Variants in MDGA2 observed in about 807,000 individuals in gnomAD.
MDGA2 encodes the protein MAM domain-containing glycosylphosphatidylinositol anchor protein 2.
In MDGA2, 40 loss-of-function variants were observed where a neutral mutation model predicts 117.8. The ratio of observed to expected loss-of-function variants is 0.34; its 90% CI spans 0.26 to 0.44. MDGA2 has a LOEUF of 0.44. Among genes scored for constraint, MDGA2 ranks in the 20% least tolerant of loss-of-function variants. MDGA2 has a pLI of 1.00. For missense variants in MDGA2, 1,123 were observed against 1,250.6 expected, an observed-to-expected ratio of 0.90 and a Z score of 1.54; for synonymous variants, 452 against 439.0, an observed-to-expected ratio of 1.03 and a Z score of -0.37.
intron 5 of MDGA2, among the ~76,000 whole-genome samples, chr14:47,100,225 G>A (rs1880224458): frequency 6.6e-6 from 1 of 151,848 alleles, no homozygotes. Flanking sequence ...ACCTTTAAAA[G>A]CTCATGGGCA....
intron 6 of MDGA2, among the ~76,000 whole-genome samples, chr14:47,062,490 CAG>C (rs1029482445): frequency 7.6e-6 from 1 of 132,088 alleles, no homozygotes; most frequent in African/African-American, 2.8e-5. Context: ...CTCTTATACA[CAG>C]ATTTTTCTTT....
chr14:46,961,053 A>C (rs529832700), intron 8 of MDGA2, among the ~76,000 whole-genome samples: 1 of 151,904 alleles, frequency 6.6e-6, no homozygotes, highest in African/African-American at 2.4e-5. Flanking sequence ...CTGTCTTCAG[A>C]TGGCCATTGT....
intron 1 of MDGA2, among the ~76,000 whole-genome samples, chr14:47,315,838 G>GA (rs1407701687): frequency 1.4e-5 from 2 of 144,590 alleles, no homozygotes; most frequent in Admixed American, 6.9e-5. Context: ...TTAAAGCAAA[G>GA]AAAAAAAAGC....
intron 6 of MDGA2, among the ~76,000 whole-genome samples, chr14:47,066,629 A>T (rs1455339565): frequency 6.6e-6 from 1 of 152,132 alleles, no homozygotes; most frequent in Admixed American, 6.5e-5. Flanking sequence ...GTAAAGGAGG[A>T]TTTCATCCAA....
intron 2 of MDGA2, among the ~76,000 whole-genome samples, chr14:47,272,508 T>G (rs1487415464): frequency 2.6e-5 from 4 of 152,158 alleles, no homozygotes. Context: ...TCCTCTGCCC[T>G]TCTAGGATGG....
intron 1 of MDGA2, among the ~76,000 whole-genome samples, chr14:47,629,608 G>T (rs1464146091): frequency 6.6e-6 from 1 of 152,142 alleles, no homozygotes; most frequent in Non-Finnish European, 1.5e-5. Flanking sequence ...TTATACAAAA[G>T]GAGATACAAC....
At chr14:47,017,256 CTCTGACCCAGAGGGTCAAAAAGAAT>C (rs916682297) in intron 8 of MDGA2, among the ~76,000 whole-genome samples, 1 of 148,886 alleles carries the variant, frequency 6.7e-6, no homozygotes, top group African/African-American at 2.5e-5. Context: ...CCATAAGGGC[CTCTGACCCAGAGGGTCAAAAAGAAT>C]TCATCAAGGC....
intron 6 of MDGA2, among the ~76,000 whole-genome samples, chr14:47,089,377 T>TTTTG (rs1168210886): frequency 2.6e-5 from 4 of 152,060 alleles, no homozygotes; most frequent in East Asian, 1.9e-4. Flanking sequence ...TAGGTTTCTT[T>TTTTG]TTTGTTTGTT....
intron 1 of MDGA2, among the ~76,000 whole-genome samples, chr14:47,619,126 C>T (rs1458363215): frequency 1.5e-5 from 2 of 131,100 alleles, no homozygotes; most frequent in Non-Finnish European, 3.4e-5. Flanking sequence ...TACACACACA[C>T]ACACACACAC....
rs540356160 is a variant in MDGA2 at position 47,599,874 on chromosome 14, T to C, written c.280+74643A>G. 7.2e-5 allele frequency among the ~76,000 whole-genome samples: 11 copies of C among 152,250 alleles called. No individual in the cohort carries two copies. The East Asian group carries it at 1.4e-3, about 19-fold the overall frequency. ...ATGAAGAAGAGGTCTTTTTGGAATG[T>C]ATAAAATATATACAAATTAAAGATT... is the stretch of plus-strand genomic sequence containing the variant. On this transcript the variant is annotated intron_variant, in intron 1 of 16. Coordinates refer to ENST00000399232, the MANE Select transcript of MDGA2 (RefSeq NM_001113498.3).
At chr14:47,250,495 C>A (rs1887409511) in intron 2 of MDGA2, among the ~76,000 whole-genome samples, 1 of 152,064 alleles carries the variant, frequency 6.6e-6, no homozygotes, top group Admixed American at 6.6e-5. Context: ...GAAGGTGAGG[C>A]CTTTGAGAGG....
Position 47,173,203 on chromosome 14 carries a change from G to C in MDGA2, c.596-28929C>G, listed in dbSNP as rs942557422. Reference sequence around the variant, plus strand: ...GTACGTGAAAGTGACGGGGAGAATGGAACCAAGTTGGAAAACACTCTGCAG... The same window carrying C: ...GTACGTGAAAGTGACGGGGAGAATGCAACCAAGTTGGAAAACACTCTGCAG... On this transcript the variant is annotated intron_variant, in intron 3 of 16. Coordinates refer to ENST00000399232, the MANE Select transcript of MDGA2 (RefSeq NM_001113498.3). Among the ~76,000 whole-genome samples the C allele has an allele frequency of 4.0e-4, 61 of 152,270 alleles. 1 individual carries two copies. Among genetic ancestry groups the C allele is most frequent in the Admixed American group, 2.4e-3 (36 of 15,300 alleles).
At chr14:47,136,018 G>T (rs1882435578) in intron 4 of MDGA2, among the ~76,000 whole-genome samples, 2 of 152,144 alleles carry the variant, frequency 1.3e-5, no homozygotes, top group Admixed American at 1.3e-4. Context: ...CTTATTCTGT[G>T]TTTAACGCTA....
chr14:47,380,490 G>C (rs1347727422), intron 1 of MDGA2, among the ~76,000 whole-genome samples: 1 of 151,428 alleles, frequency 6.6e-6, no homozygotes, highest in Non-Finnish European at 1.5e-5. Flanking sequence ...TAATAAAGAA[G>C]AGAGAAGAAT....
At chr14:47,562,171 T>C (rs941109886) in intron 1 of MDGA2, among the ~76,000 whole-genome samples, 3 of 152,190 alleles carry the variant, frequency 2.0e-5, no homozygotes, top group African/African-American at 7.2e-5. Context: ...TCTTCAAGGA[T>C]AGCAGCCTGA....
chr14:47,547,094 GA>G (rs1431559772), intron 1 of MDGA2, among the ~76,000 whole-genome samples: 8 of 152,124 alleles, frequency 5.3e-5, no homozygotes, highest in Non-Finnish European at 8.8e-5. Flanking sequence ...TGTCTCACAT[GA>G]ATTACCAAAA....
chr14:47,540,742 T>C (rs1002768595), intron 1 of MDGA2, among the ~76,000 whole-genome samples: 3 of 151,546 alleles, frequency 2.0e-5, no homozygotes, highest in African/African-American at 7.3e-5. Flanking sequence ...AAACATGTAT[T>C]TTTTTAGATA....
chr14:47,489,843 T>C (rs1450053863), intron 1 of MDGA2, among the ~76,000 whole-genome samples: 1 of 152,070 alleles, frequency 6.6e-6, no homozygotes, highest in African/African-American at 2.4e-5. Flanking sequence ...ATGAGTTTCT[T>C]TTCCTTACAT....
intron 8 of MDGA2, among the ~76,000 whole-genome samples, chr14:47,018,152 T>C (rs994088822): frequency 6.6e-6 from 1 of 152,072 alleles, no homozygotes; most frequent in Non-Finnish European, 1.5e-5. Flanking sequence ...TGACTTTTTT[T>C]TTCCCCCCGT....
Sources: gnomAD v4.1 joint callset for allele counts (sites outside exome capture counted in the v4.1 genomes callset) on GRCh38, gnomAD v4.1.1 for gene constraint, MANE v1.5 for transcripts, NCBI Gene and HGNC (gene_info 2026-07-23, HGNC 2026-07-21) for gene names.